MEGF9: variants seen among roughly 807,000 people sequenced by gnomAD.
The protein encoded by MEGF9 is multiple epidermal growth factor-like domains protein 9.
MEGF9 carries 6 observed loss-of-function variants against 46.8 expected under a neutral mutation model. The ratio of observed to expected loss-of-function variants is 0.13; its 90% confidence interval spans 0.07 to 0.25. The LOEUF is 0.25. Ranked by LOEUF, MEGF9 falls within the 10% of genes least tolerant of loss-of-function variation. The pLI is 1.00. For missense variants in MEGF9, 683 were observed against 792.4 expected (o/e 0.86, Z 1.66); for synonymous variants, 302 against 330.7 (o/e 0.91, Z 0.94).
chr9:120,695,244 T>C (rs1430564220), intron 1 of MEGF9, among the ~76,000 whole-genome samples: 1 of 152,052 alleles, frequency 6.6e-6, no homozygotes, highest in Non-Finnish European at 1.5e-5. Context: ...TATAGGCTAC[T>C]TGAGAAAAGG....
chr9:120,677,999 T>C (rs760392650), intron 1 of MEGF9, among the ~76,000 whole-genome samples: 8 of 152,222 alleles, frequency 5.3e-5, no homozygotes, highest in Non-Finnish European at 1.0e-4. Flanking sequence ...TGTTTTAACT[T>C]TTAGGTCCCA....
intron 4 of MEGF9, 55 bp from the exon 5 acceptor site, chr9:120,608,065 T>C: frequency 6.3e-7 from 1 of 1,584,392 alleles, no homozygotes; most frequent in Non-Finnish European, 8.6e-7. Flanking sequence ...CAATTAAAAA[T>C]GCAAAACAAC....
chr9:120,656,501 C>A (rs1184798460), intron 2 of MEGF9, among the ~76,000 whole-genome samples: 1 of 134,100 alleles, frequency 7.5e-6, no homozygotes, highest in Non-Finnish European at 1.5e-5. Context: ...GAGCCAAGAT[C>A]GTGCCACTGC....
chr9:120,633,654 G>A (rs796556184), intron 2 of MEGF9, among the ~76,000 whole-genome samples: 41 of 151,696 alleles, frequency 2.7e-4, no homozygotes, highest in African/African-American at 9.7e-4. Flanking sequence ...TGTTTTTTCT[G>A]GCTTTTCTAG....
chr9:120,659,787 C>CTG (rs1564422552), intron 1 of MEGF9, among the ~76,000 whole-genome samples: 1 of 120,508 alleles, frequency 8.3e-6, no homozygotes, highest in Non-Finnish European at 1.7e-5. Context: ...GTGTGTGTGA[C>CTG]AGTGTGTGTG....
chr9:120,639,419 A>C (rs1452010725), intron 2 of MEGF9, among the ~76,000 whole-genome samples: 1 of 151,418 alleles, frequency 6.6e-6, no homozygotes, highest in Non-Finnish European at 1.5e-5. Context: ...GAGGTAGGAG[A>C]ATCACTTGAA....
intron 1 of MEGF9, among the ~76,000 whole-genome samples, chr9:120,690,516 TG>T (rs1224951780): frequency 5.3e-5 from 8 of 152,198 alleles, no homozygotes; most frequent in African/African-American, 9.6e-5. Context: ...TGGCAATGCT[TG>T]GGGCAGCTTC....
At chr9:120,694,085 A>G (rs1321287514) in intron 1 of MEGF9, among the ~76,000 whole-genome samples, 1 of 152,220 alleles carries the variant, frequency 6.6e-6, no homozygotes, top group Non-Finnish European at 1.5e-5. Flanking sequence ...AATAATGACT[A>G]CAAATCAGAA....
At chr9:120,690,047 A>G (rs1163937116) in intron 1 of MEGF9, 1 of 489,574 alleles carries the variant, frequency 2.0e-6, no homozygotes, top group Non-Finnish European at 4.2e-6. Flanking sequence ...GGGTCTGCCC[A>G]CTCAGATATT....
chr9:120,673,582 T>C (rs1421084147), intron 1 of MEGF9, among the ~76,000 whole-genome samples: 1 of 151,290 alleles, frequency 6.6e-6, no homozygotes, highest in Non-Finnish European at 1.5e-5. Context: ...GGAGAAAGGA[T>C]GCTTTTTTTT....
intron 3 of MEGF9, among the ~76,000 whole-genome samples, 153 bp from the exon 4 acceptor site, chr9:120,612,692 T>C (rs1375860269): frequency 6.6e-6 from 1 of 152,220 alleles, no homozygotes; most frequent in Non-Finnish European, 1.5e-5. Context: ...ATTTCTATAC[T>C]GCCATGTCTA....
chr9:120,689,096 A>G (rs938087691), intron 1 of MEGF9, among the ~76,000 whole-genome samples: 4 of 152,238 alleles, frequency 2.6e-5, no homozygotes, highest in Non-Finnish European at 5.9e-5. Context: ...AAAACAAAGA[A>G]GCAATATCGT....
chr9:120,707,989 G>T (rs1457507976), intron 1 of MEGF9, among the ~76,000 whole-genome samples: 3 of 152,132 alleles, frequency 2.0e-5, no homozygotes, highest in African/African-American at 7.2e-5. Context: ...AGGTTGCAGT[G>T]AGCCCAGACG....
At chr9:120,703,148 A>T (rs1406979890) in intron 1 of MEGF9, among the ~76,000 whole-genome samples, 1 of 152,254 alleles carries the variant, frequency 6.6e-6, no homozygotes, top group Non-Finnish European at 1.5e-5. Flanking sequence ...GCAGGTTCTC[A>T]AACTATTCCT....
In MEGF9 at chr9:120,711,840, T is replaced by TACACACACACACAC. The variant is rs146669450; in HGVS notation, c.601+1917_601+1918insGTGTGTGTGTGTGT. Among the ~76,000 whole-genome samples the TACACACACACACAC allele has an allele frequency of 6.4e-3, 889 of 139,174 alleles. 5 individuals are homozygous for TACACACACACACAC. Among genetic ancestry groups the TACACACACACACAC allele is most frequent in the African/African-American group, 0.014 (486 of 35,210 alleles). 91.3% of individuals were successfully genotyped at this position (139,174 alleles called of 152,430 possible). A position where few individuals can be genotyped will look rare whatever the true frequency, so the allele number is the denominator to read the frequency against. ...TTCTCAAATGCTTTCTATACATACATACATACACACACACACACACACACA... is the reference window on the plus strand; with the variant it reads ...TTCTCAAATGCTTTCTATACATACATACACACACACACACACATACACACACACACACACACACA... On this transcript the variant is annotated intron_variant, in intron 1 of 5. Coordinates refer to ENST00000373930, the MANE Select transcript of MEGF9 (RefSeq NM_001080497.3).
intron 2 of MEGF9, among the ~76,000 whole-genome samples, chr9:120,654,389 G>C (rs77466167): frequency 0.029 from 4,475 of 152,180 alleles, 90 homozygotes; most frequent in Middle Eastern, 0.044. Flanking sequence ...CGTCAATGAC[G>C]TATGGAATAT....
intron 3 of MEGF9, among the ~76,000 whole-genome samples, chr9:120,620,255 T>C (rs994530186): frequency 2.6e-5 from 4 of 152,196 alleles, no homozygotes; most frequent in Non-Finnish European, 5.9e-5. Context: ...TTCGGTACTG[T>C]AAAAGATCTA....
rs1456647896 is a variant in MEGF9 at position 120,607,818 on chromosome 9, T to C, written c.1280A>G (p.His427Arg). The C allele has an allele frequency of 8.7e-6, 14 of 1,613,936 alleles. No individual in the cohort carries two copies. Among genetic ancestry groups the C allele is most frequent in the African/African-American group, 2.7e-5 (2 of 74,948 alleles). Residue 427 changes from histidine (H) to arginine (R), a missense_variant, in exon 5 of 6, where the codon CAT becomes CGT. His to Arg is a conservative substitution (Grantham distance 29). Transcript: ENST00000373930. ...PESGECINCL[H>R]NTTGFWCENC... ...CTCACACCAAAACCCAGTGGTGTTA[T>C]GGAGGCAGTTGATGCACTCACCACT...
At chr9:120,688,026 C>T (rs1448765611) in intron 1 of MEGF9, among the ~76,000 whole-genome samples, 1 of 151,960 alleles carries the variant, frequency 6.6e-6, no homozygotes, top group Non-Finnish European at 1.5e-5. Context: ...TATCATCGTA[C>T]TCAAACTTGT....
Sources: gnomAD v4.1 joint callset for allele counts (sites outside exome capture counted in the v4.1 genomes callset) on GRCh38, gnomAD v4.1.1 for gene constraint, MANE v1.5 for transcripts, NCBI Gene and HGNC (gene_info 2026-07-23, HGNC 2026-07-21) for gene names.